The following CLSTN2 variants were observed in gnomAD, a reference collection of about 807,000 sequenced individuals.
CLSTN2 encodes the protein calsyntenin-2.
In CLSTN2, 48 loss-of-function variants were observed where a neutral mutation model predicts 101.2. The observed-to-expected ratio is 0.47, with a 90% CI of 0.38 to 0.60. The LOEUF (loss-of-function observed/expected upper bound fraction) is 0.60, where lower values mean the gene tolerates loss of function less well. Among genes scored for constraint, CLSTN2 ranks in the 20% least tolerant of loss-of-function variants. The probability of loss-of-function intolerance (pLI) is 0.00; values close to 1 mark genes in which losing one functional copy is unlikely to be tolerated. For missense variants in CLSTN2, 1,160 were observed against 1,238.2 expected (o/e 0.94, Z 0.95); for synonymous variants, 481 against 463.6 (o/e 1.04, Z -0.48).
intron 2 of CLSTN2, among the ~76,000 whole-genome samples, chr3:140,239,853 G>GTGTTTATACATA (rs2086444683): frequency 6.6e-6 from 1 of 151,636 alleles, no homozygotes. Flanking sequence ...TATACATTAT[G>GTGTTTATACATA]TATGTATGTA....
At chr3:140,001,856 A>T (rs1576393156) in intron 1 of CLSTN2, among the ~76,000 whole-genome samples, 1 of 152,262 alleles carries the variant, frequency 6.6e-6, no homozygotes, top group East Asian at 1.9e-4. Flanking sequence ...TCCCATAAAT[A>T]AGTGGGAACG....
intron 2 of CLSTN2, among the ~76,000 whole-genome samples, chr3:140,314,065 A>G (rs1028054427): frequency 1.3e-5 from 2 of 152,218 alleles, no homozygotes; most frequent in African/African-American, 4.8e-5. Flanking sequence ...TACCATTTGT[A>G]GAGCAAACAT....
chr3:140,041,862 C>T (rs1362411064), intron 1 of CLSTN2, among the ~76,000 whole-genome samples: 2 of 152,184 alleles, frequency 1.3e-5, no homozygotes, highest in Non-Finnish European at 2.9e-5. Context: ...CTTATACAGA[C>T]TGGGTGAGAC....
intron 8 of CLSTN2, among the ~76,000 whole-genome samples, chr3:140,509,128 G>A (rs1162619518): frequency 1.3e-5 from 2 of 152,156 alleles, no homozygotes; most frequent in Admixed American, 6.5e-5. Context: ...GAAGTACCTG[G>A]AACATATGTG....
At chr3:140,220,276 C>G (rs1273170334) in intron 2 of CLSTN2, among the ~76,000 whole-genome samples, 1 of 152,194 alleles carries the variant, frequency 6.6e-6, no homozygotes, top group East Asian at 1.9e-4. Flanking sequence ...AATGCCATGG[C>G]ATAATGATCT....
intron 2 of CLSTN2, among the ~76,000 whole-genome samples, chr3:140,335,635 C>T (rs943023376): frequency 3.9e-5 from 6 of 152,310 alleles, no homozygotes; most frequent in South Asian, 4.1e-4. Context: ...AGTCAGATTT[C>T]AAGCCTTGGA....
intron 1 of CLSTN2, among the ~76,000 whole-genome samples, chr3:139,942,616 G>A (rs1461968401): frequency 1.3e-5 from 2 of 152,110 alleles, no homozygotes; most frequent in African/African-American, 4.8e-5. Flanking sequence ...ACTGTTGATC[G>A]GGCTGCCTTT....
intron 5 of CLSTN2, among the ~76,000 whole-genome samples, chr3:140,429,676 G>A (rs2088608458): frequency 1.3e-5 from 2 of 152,184 alleles, no homozygotes; most frequent in Non-Finnish European, 1.5e-5. Context: ...TGGCTGGAAT[G>A]CAGAGACTCA....
intron 1 of CLSTN2, among the ~76,000 whole-genome samples, chr3:140,053,064 G>A (rs373613802): frequency 5.9e-5 from 9 of 152,104 alleles, no homozygotes; most frequent in African/African-American, 2.2e-4. Context: ...TGGCAGTCAG[G>A]CCTCCCATGC....
chr3:140,171,774 T>C (rs574491956), intron 1 of CLSTN2, among the ~76,000 whole-genome samples: 1,609 of 94,922 alleles, frequency 0.017, 77 homozygotes, highest in African/African-American at 0.076. Flanking sequence ...ATATATAATA[T>C]GTATTATATA....
At chr3:140,427,207 G>GTGTGTA (rs1397987072) in intron 5 of CLSTN2, among the ~76,000 whole-genome samples, 18 of 84,976 alleles carry the variant, frequency 2.1e-4, no homozygotes, top group African/African-American at 1.3e-3. Context: ...ATATATATGT[G>GTGTGTA]TATATATATA....
intron 1 of CLSTN2, among the ~76,000 whole-genome samples, chr3:140,015,775 T>G (rs2007188400): frequency 6.6e-6 from 1 of 152,254 alleles, no homozygotes; most frequent in African/African-American, 2.4e-5. Flanking sequence ...GCAGTTGCTC[T>G]TGTGATTATG....
intron 1 of CLSTN2, among the ~76,000 whole-genome samples, chr3:140,124,049 A>G (rs997636832): frequency 6.6e-6 from 1 of 152,092 alleles, no homozygotes; most frequent in Non-Finnish European, 1.5e-5. Flanking sequence ...AGACAATTTT[A>G]AAAACATAAT....
At chr3:139,988,701 G>A (rs1446461401) in intron 1 of CLSTN2, among the ~76,000 whole-genome samples, 1 of 152,118 alleles carries the variant, frequency 6.6e-6, no homozygotes, top group Non-Finnish European at 1.5e-5. Flanking sequence ...AGGGGTGGGA[G>A]GATGTCTAAG....
At chr3:140,092,009 G>A (rs2008786887) in intron 1 of CLSTN2, among the ~76,000 whole-genome samples, 2 of 152,154 alleles carry the variant, frequency 1.3e-5, no homozygotes, top group Non-Finnish European at 2.9e-5. Flanking sequence ...AATCCAGGAA[G>A]CTTTACAGAG....
intron 1 of CLSTN2, among the ~76,000 whole-genome samples, chr3:139,963,135 C>T (rs1009327124): frequency 1.3e-5 from 2 of 152,012 alleles, no homozygotes; most frequent in African/African-American, 4.8e-5. Context: ...TTGCCATACT[C>T]TTCTAGGAAC....
intron 2 of CLSTN2, among the ~76,000 whole-genome samples, chr3:140,253,777 T>A (rs1326446323): frequency 6.6e-6 from 1 of 152,160 alleles, no homozygotes; most frequent in Non-Finnish European, 1.5e-5. Context: ...TTTTTTATTT[T>A]TTTTTTCTCT....
At chr3:140,198,533 C>T (rs149465150) in intron 2 of CLSTN2, among the ~76,000 whole-genome samples, 6 of 152,102 alleles carry the variant, frequency 3.9e-5, no homozygotes, top group Admixed American at 2.0e-4. Flanking sequence ...GGTAAGGTCC[C>T]GGCTTTGTTG....
intron 1 of CLSTN2, among the ~76,000 whole-genome samples, chr3:140,056,466 C>G (rs1161085503): frequency 2.0e-5 from 3 of 152,180 alleles, no homozygotes; most frequent in African/African-American, 7.2e-5. Context: ...GGCCTGTGAC[C>G]TCCATTTGAC....
Sources: gnomAD v4.1 joint callset for allele counts (sites outside exome capture counted in the v4.1 genomes callset) on GRCh38, gnomAD v4.1.1 for gene constraint, MANE v1.5 for transcripts, NCBI Gene and HGNC (gene_info 2026-07-23, HGNC 2026-07-21) for gene names.